Variants in COL11A2 observed in about 807,000 individuals in gnomAD.
The protein encoded by COL11A2 is collagen type XI alpha 2 chain.
In COL11A2, 116 loss-of-function variants were observed where a neutral mutation model predicts 273.4. The ratio of observed to expected loss-of-function variants is 0.42; its 90% CI spans 0.36 to 0.49. The LOEUF (loss-of-function observed/expected upper bound fraction) is 0.49. Ranked by LOEUF, COL11A2 falls within the 20% of genes least tolerant of loss-of-function variation. The pLI is 0.00. For missense variants in COL11A2, 1,866 were observed against 2,309.0 expected, an observed-to-expected ratio of 0.81 and a Z score of 3.93; for synonymous variants, 782 against 864.2, an observed-to-expected ratio of 0.90 and a Z score of 1.67.
Position 33,188,668 on chromosome 6 carries a change from G to A in COL11A2, c.444-144C>T, listed in dbSNP as rs937057254. The A allele has an allele frequency of 3.2e-6, 3 of 931,952 alleles. No individual in the cohort carries two copies. In the African/African-American group the frequency reaches 4.9e-5, roughly 15 times the overall value. 57.7% of individuals were successfully genotyped at this position (931,952 alleles called of 1,614,324 possible). On this transcript the variant is annotated intron_variant, in intron 3 of 65. Transcript: ENST00000341947. ...GGCTACCATTTATTGAGTGTTTACA[G>A]TGCACCAGACACCATGCCGTCACTT...
At position 33,177,632 on chromosome 6, in the gene COL11A2, T is replaced by C; in HGVS notation, c.1917+30A>G. ...TGGCAGGGACCTCGGGGGATAAGAA[T>C]GGGGGTGGGATCTCCTATCCATCAC... is the stretch of plus-strand genomic sequence containing the variant. On this transcript the variant is annotated intron_variant, in intron 22 of 65. Transcript: ENST00000341947. This position sits in a 1 kb window ranked among gnomAD's most constrained non-coding sequence, Gnocchi z 5.9. The C allele has an allele frequency of 6.2e-7, 1 of 1,612,118 alleles. No individual in the cohort carries two copies. Among genetic ancestry groups the C allele is most frequent in the Non-Finnish European group, 8.5e-7 (1 of 1,179,418 alleles).
chr6:33,184,975 G>A lies in COL11A2; in HGVS notation c.939+17C>T, dbSNP rs1394473776. 1.3e-6 allele frequency: 2 copies of A among 1,549,628 alleles called. No individual in the cohort carries two copies. The highest frequency in any genetic ancestry group is 1.4e-5 in the African/African-American group (1 of 73,108). ...CCCACTGCCCCCAGATGGGGTGAGGGTGGGGCATAGAGTTACCTCCTCAAG... is the reference window on the plus strand; with the variant it reads ...CCCACTGCCCCCAGATGGGGTGAGGATGGGGCATAGAGTTACCTCCTCAAG... On this transcript the variant is annotated intron_variant, in intron 7 of 65. Coordinates refer to ENST00000341947, the MANE Select transcript of COL11A2 (RefSeq NM_080680.3).
At position 33,173,355 on chromosome 6, in the gene COL11A2, C is replaced by A; in HGVS notation, c.2729G>T (p.Gly910Val). 1 of 1,612,336 alleles carries A rather than the reference C, an allele frequency of 6.2e-7. No individual in the cohort carries two copies. Among genetic ancestry groups the A allele is most frequent in the Non-Finnish European group, 8.5e-7 (1 of 1,179,890 alleles). The change falls in exon 37 of 66, where the codon GGA becomes GTA. Residue 910 changes from glycine to valine, a missense_variant. Gly to Val is a moderately radical substitution (Grantham distance 109, BLOSUM62 -3). Coordinates refer to ENST00000341947, the MANE Select transcript of COL11A2 (RefSeq NM_080680.3). The surrounding 1 kb of genome is among the most constrained non-coding windows in gnomAD (Gnocchi z 6.3). ...DGLPGHPGQR[G>V]EVGFQGKTGP... ...GCCAGGAGCATCACTCACCACTTCT[C>A]CTCTTTGGCCTGGGTGTCCCGGCAG...
At position 33,173,799 on chromosome 6, in the gene COL11A2, C is replaced by T. The variant is rs373206814; in HGVS notation, c.2584-54G>A. On this transcript the variant is annotated intron_variant, in intron 34 of 65. Coordinates refer to ENST00000341947, the MANE Select transcript of COL11A2 (RefSeq NM_080680.3). The surrounding 1 kb of genome is among the most constrained non-coding windows in gnomAD (Gnocchi z 6.3). The stretch of plus-strand genomic sequence containing the variant: ...GGAAGAGCTGCTTTCCAGCTGTCCC[C>T]GAGGTCAGGATGTTGAGGGAGAGCT... The T allele has an allele frequency of 5.6e-6, 9 of 1,608,664 alleles. No individual in the cohort carries two copies. Among genetic ancestry groups the T allele is most frequent in the Admixed American group, 1.7e-5 (1 of 59,872 alleles).
chr6:33,167,555 T>C lies in COL11A2; in HGVS notation c.4015-22A>G, dbSNP rs1191853614. Reference sequence around the variant, plus strand: ...CTCCCTGAAACACACACAAGGAATGTGTCCTGAATGGCAGAGGAGTGGGGT... The same window carrying C: ...CTCCCTGAAACACACACAAGGAATGCGTCCTGAATGGCAGAGGAGTGGGGT... On this transcript the variant is annotated intron_variant, in intron 55 of 65. Coordinates refer to ENST00000341947, the MANE Select transcript of COL11A2 (RefSeq NM_080680.3). The surrounding 1 kb of genome is among the most constrained non-coding windows in gnomAD (Gnocchi z 6.1). 1.2e-6 allele frequency: 2 copies of C among 1,611,496 alleles called. No homozygotes were observed. Among genetic ancestry groups the C allele is most frequent in the South Asian group, 1.1e-5 (1 of 90,908 alleles).
intron 8 of COL11A2, among the ~76,000 whole-genome samples, chr6:33,183,115 C>T (rs1771935126): frequency 2.0e-5 from 3 of 152,066 alleles, no homozygotes; most frequent in African/African-American, 7.3e-5. Context: ...AGGCAGAAGA[C>T]GGAGCGGAGT....
chr6:33,163,526 C>T lies in COL11A2; in HGVS notation c.*152G>A. 1 of 1,226,498 alleles carries T rather than the reference C, an allele frequency of 8.2e-7. No individual in the cohort carries two copies. The highest frequency in any genetic ancestry group is 1.2e-6 in the Non-Finnish European group (1 of 856,852). 76.0% of individuals were successfully genotyped at this position (1,226,498 alleles called of 1,614,324 possible). On this transcript the variant is annotated 3_prime_UTR_variant, in exon 66 of 66. Transcript: ENST00000341947. This position sits in a 1 kb window ranked among gnomAD's most constrained non-coding sequence, Gnocchi z 4.1. ...GGGTGTCCAGGCAACCACTTCACCC[C>T]TCCCCTGGCCTGCCCCGACTGAGGG...
Position 33,177,041 on chromosome 6 carries a change from G to T in COL11A2, c.2021C>A (p.Pro674His). 6.2e-7 allele frequency: 1 copy of T among 1,612,192 alleles called. No individual in the cohort carries two copies. ...GAIGPHGEKG[P>H]QGKPGLPGMP... Reference sequence around the variant, plus strand: ...GCCGGGGAGCCCTGGCTTCCCTTGAGGACCCTGCAGGAAGACAAAGAGGCT... The same window carrying T: ...GCCGGGGAGCCCTGGCTTCCCTTGATGACCCTGCAGGAAGACAAAGAGGCT... The change falls in exon 25 of 66, where the codon CCT becomes CAT. Residue 674 changes from proline to histidine, a missense_variant. Coordinates refer to ENST00000341947, the MANE Select transcript of COL11A2 (RefSeq NM_080680.3). This position sits in a 1 kb window ranked among gnomAD's most constrained non-coding sequence, Gnocchi z 5.9.
chr6:33,174,282 AAGGGGGTC>A, intron 31 of COL11A2, 64 bp from the exon 32 acceptor site: 1 of 1,546,210 alleles, frequency 6.5e-7, no homozygotes, highest in Non-Finnish European at 8.7e-7. Flanking sequence ...GGAAGGGGCA[AAGGGGGTC>A]AGGAGAGGCC....
upstream of COL11A2, chr6:33,192,599 G>A (rs187744892): frequency 2.4e-5 from 10 of 415,512 alleles, no homozygotes; most frequent in Admixed American, 2.0e-4. Context: ...AGGGAGGCGG[G>A]AACCCTCCCT....
At position 33,178,924 on chromosome 6, in the gene COL11A2, A is replaced by G. The variant is rs1052681458; in HGVS notation, c.1661T>C (p.Val554Ala). The G allele has an allele frequency of 6.2e-7, 1 of 1,613,692 alleles. No homozygotes were observed. The highest frequency in any genetic ancestry group is 8.5e-7 in the Non-Finnish European group (1 of 1,179,920). Residue 554 changes from valine (V) to alanine (A), a missense_variant, in exon 17 of 66, where the codon GTG becomes GCG. By Grantham distance (64) the Val-to-Ala change is moderately conservative. Coordinates refer to ENST00000341947, the MANE Select transcript of COL11A2 (RefSeq NM_080680.3). The surrounding 1 kb of genome is among the most constrained non-coding windows in gnomAD (Gnocchi z 4.6). The part of the protein sequence containing the change: ...GARGMPGDPG[V>A]KGDRGFDGLP... ...GGAGGGGCCCAAGCCTGTTACCTTC[A>G]CTCCAGGATCTCCAGGCATCCCTCG...
chr6:33,176,426 C>T lies in COL11A2; in HGVS notation c.2169+7G>A. 6.2e-7 allele frequency: 1 copy of T among 1,612,344 alleles called. No homozygotes were observed. The highest frequency in any genetic ancestry group is 8.5e-7 in the Non-Finnish European group (1 of 1,179,752). On this transcript the variant is annotated splice_region_variant and intron_variant, in intron 27 of 65. Transcript: ENST00000341947. The surrounding 1 kb of genome is among the most constrained non-coding windows in gnomAD (Gnocchi z 4.9). ...GCCCTTTGTCTCCCAGCCTGGTGGT[C>T]AGTTACCTTGACCCCTCGAGGTCCT...
rs1365799072 is a variant in COL11A2 at position 33,177,459 on chromosome 6, G to A, written c.1924C>T (p.Gln642Ter). The part of the protein sequence containing the change: ...PQGPKGSLGP[Q>*]GEPGPPGQQG... Reference sequence around the variant, plus strand: ...TGTCCAGGAGGTCCTGGCTCTCCCTGGGGTCCCTAGAAACAGGTGACCAGG... The same window carrying A: ...TGTCCAGGAGGTCCTGGCTCTCCCTAGGGTCCCTAGAAACAGGTGACCAGG... The change falls in exon 23 of 66, where the codon CAG becomes TAG. Residue 642 changes from glutamine (Q) to a stop codon, truncating the protein, a stop_gained. Transcript: ENST00000341947. LOFTEE classifies it high-confidence loss of function. The surrounding 1 kb of genome is among the most constrained non-coding windows in gnomAD (Gnocchi z 5.9). 6.2e-7 allele frequency: 1 copy of A among 1,612,932 alleles called. No individual in the cohort carries two copies.
chr6:33,163,951 G>T lies in COL11A2; in HGVS notation c.5071-133C>A. On this transcript the variant is annotated intron_variant, in intron 65 of 65. Coordinates refer to ENST00000341947, the MANE Select transcript of COL11A2 (RefSeq NM_080680.3). The surrounding 1 kb of genome is among the most constrained non-coding windows in gnomAD (Gnocchi z 4.1). Reference sequence around the variant, plus strand: ...GTGACTCAGGATGTACAGACTGGCAGTGTCTATGTGCCCATGCGTGTGTGT... The same window carrying T: ...GTGACTCAGGATGTACAGACTGGCATTGTCTATGTGCCCATGCGTGTGTGT... 1 of 1,325,050 alleles carries T rather than the reference G, an allele frequency of 7.5e-7. No individual in the cohort carries two copies. Among genetic ancestry groups the T allele is most frequent in the Non-Finnish European group, 1.1e-6 (1 of 932,584 alleles). The allele number at this position is 1,325,050 out of a possible 1,614,324, so 82.1% of individuals were successfully genotyped here.
rs771658733 is a variant in COL11A2, at chr6:33,177,250, C to T, written c.1972-25G>A. Reference sequence around the variant, plus strand: ...CCTACATACAGGGAAAGAGAAGTCACAGGGGCCTCCCAGGGTCTCTTCTAT... The same window carrying T: ...CCTACATACAGGGAAAGAGAAGTCATAGGGGCCTCCCAGGGTCTCTTCTAT... On this transcript the variant is annotated intron_variant, in intron 23 of 65. Transcript: ENST00000341947. This position sits in a 1 kb window ranked among gnomAD's most constrained non-coding sequence, Gnocchi z 5.9. 6.2e-7 allele frequency: 1 copy of T among 1,612,942 alleles called. No homozygotes were observed. The highest frequency in any genetic ancestry group is 8.5e-7 in the Non-Finnish European group (1 of 1,179,954).
Position 33,188,466 on chromosome 6 carries a change from T to C in COL11A2, c.502A>G (p.Lys168Glu), listed in dbSNP as rs2150620648. ...GQSVTLIVDC[K>E]KRVTRPLPRS... ...GGGAGAGGCCGGGTGACTCGCTTCT[T>C]GCAGTCAACAATGAGGGTGACAGAC... Residue 168 changes from lysine to glutamate, a missense_variant, in exon 4 of 66, where the codon AAG becomes GAG. By Grantham distance (56) the Lys-to-Glu change is moderately conservative. Transcript: ENST00000341947. The C allele has an allele frequency of 4.3e-6, 7 of 1,613,022 alleles. No homozygotes were observed. The highest frequency in any genetic ancestry group is 5.9e-6 in the Non-Finnish European group (7 of 1,180,030).
At position 33,179,642 on chromosome 6, in the gene COL11A2, C is replaced by T; in HGVS notation, c.1446+77G>A. On this transcript the variant is annotated intron_variant, in intron 13 of 65. Coordinates refer to ENST00000341947, the MANE Select transcript of COL11A2 (RefSeq NM_080680.3). The surrounding 1 kb of genome is among the most constrained non-coding windows in gnomAD (Gnocchi z 6.4). ...AACCCCAAACCAACCCAGGCCTCCC[C>T]TGCCGCACACTCACTCCAGCCAACC... 3 of 1,561,302 alleles carry T rather than the reference C, an allele frequency of 1.9e-6. No homozygotes were observed. In the Admixed American group the frequency reaches 5.2e-5, roughly 27 times the overall value.
upstream of COL11A2, among the ~76,000 whole-genome samples, chr6:33,192,925 G>C (rs537469322): frequency 6.6e-6 from 1 of 152,096 alleles, no homozygotes; most frequent in South Asian, 2.1e-4. Context: ...GGCCGGGGCG[G>C]GGGTATTTAT....
Position 33,176,089 on chromosome 6 carries a change from G to GAGGGCACCACAGATGAC in COL11A2, c.2215-37_2215-21dup. On this transcript the variant is annotated intron_variant, in intron 28 of 65. Transcript: ENST00000341947. The surrounding 1 kb of genome is among the most constrained non-coding windows in gnomAD (Gnocchi z 4.9). Reference sequence around the variant, plus strand: ...CTCACCCTGAGAAAGATAGAGGTGAGAGGGCACCACAGATGACAGAGGGCT... The same window carrying GAGGGCACCACAGATGAC: ...CTCACCCTGAGAAAGATAGAGGTGAGAGGGCACCACAGATGACAGGGCACCACAGATGACAGAGGGCT... 1 of 1,613,002 alleles carries GAGGGCACCACAGATGAC rather than the reference G, an allele frequency of 6.2e-7. No individual in the cohort carries two copies. The highest frequency in any genetic ancestry group is 8.5e-7 in the Non-Finnish European group (1 of 1,179,990).
Sources: allele counts gnomAD v4.1 joint callset (sites outside exome capture counted in the v4.1 genomes callset), GRCh38; gene constraint gnomAD v4.1.1; non-coding constraint Gnocchi (gnomAD v3.1); transcripts MANE v1.5; gene names NCBI Gene and HGNC (gene_info 2026-07-23, HGNC 2026-07-21).